The following TDRD3 variants were observed in gnomAD, a reference collection of about 807,000 sequenced individuals.
TDRD3 encodes tudor domain containing 3.
TDRD3 carries 45 observed loss-of-function variants against 86.7 expected under a neutral mutation model. The ratio of observed to expected loss-of-function variants is 0.52; its 90% confidence interval spans 0.41 to 0.67. TDRD3 has a LOEUF of 0.67. Ranked by LOEUF, TDRD3 falls within the 30% of genes least tolerant of loss-of-function variation. The pLI is 0.00. For synonymous variants in TDRD3, 298 were observed against 301.7 expected (o/e 0.99, Z 0.13); for missense variants, 814 against 889.0 (o/e 0.92, Z 1.07).
chr13:60,558,805 C>T, intron 12 of TDRD3, among the ~76,000 whole-genome samples: 1 of 151,858 alleles, frequency 6.6e-6, no homozygotes, highest in Admixed American at 6.6e-5. Context: ...CACCCCACCT[C>T]TCCCCAAAAC....
At chr13:60,502,187 C>G (rs1956848621) in intron 8 of TDRD3, among the ~76,000 whole-genome samples, 1 of 152,172 alleles carries the variant, frequency 6.6e-6, no homozygotes, top group Non-Finnish European at 1.5e-5. Context: ...CTTTCATTAC[C>G]TGACAGAATT....
In TDRD3 at chr13:60,567,611, G is replaced by C; in HGVS notation, c.2205G>C (p.Gln735His). 1 of 1,614,120 alleles carries C rather than the reference G, an allele frequency of 6.2e-7. No individual in the cohort carries two copies. Among genetic ancestry groups the C allele is most frequent in the South Asian group, 1.1e-5 (1 of 91,082 alleles). The change falls in exon 13 of 14, where the codon CAG (glutamine) becomes CAC (histidine). Residue 735 changes from glutamine (Q) to histidine (H), a missense_variant. Physicochemically the swap from Gln to His is conservative, Grantham distance 24 (BLOSUM62 0). Transcript: ENST00000377881. ...GACGATCCACTCGGCCAACCCAACA[G>C]TTTTACCAACCACCCCGGGCTCGGA... ...QPRRSTRPTQ[Q>H]FYQPPRARN
Position 60,528,633 on chromosome 13 carries a change from T to C in TDRD3, c.1408T>C (p.Cys470Arg). The C allele has an allele frequency of 6.2e-7, 1 of 1,613,958 alleles. No homozygotes were observed. The highest frequency in any genetic ancestry group is 8.5e-7 in the Non-Finnish European group (1 of 1,179,914). ...SEVWAEDRIK[C>R]DRPYSRYDRT... ...AGTATGGGCTGAAGACAGAATCAAA[T>C]GTGATAGACCGTATTCTAGATATGA... Residue 470 changes from cysteine to arginine, a missense_variant, in exon 11 of 14, where the codon TGT becomes CGT. Cys to Arg is a radical substitution (Grantham distance 180, BLOSUM62 -3). Coordinates refer to ENST00000377881, the MANE Select transcript of TDRD3 (RefSeq NM_001146070.2).
intron 8 of TDRD3, among the ~76,000 whole-genome samples, chr13:60,494,922 T>A (rs955923657): frequency 6.6e-6 from 1 of 152,228 alleles, no homozygotes; most frequent in African/African-American, 2.4e-5. Flanking sequence ...TGATTTTGTT[T>A]TGTTTTCTAC....
intron 12 of TDRD3, among the ~76,000 whole-genome samples, chr13:60,559,280 A>G (rs549177462): frequency 6.6e-6 from 1 of 152,292 alleles, no homozygotes; most frequent in East Asian, 1.9e-4. Context: ...ATGATGTGGT[A>G]GAATCTAAAC....
intron 12 of TDRD3, among the ~76,000 whole-genome samples, chr13:60,553,982 T>C (rs1182325938): frequency 6.6e-6 from 1 of 152,228 alleles, no homozygotes; most frequent in East Asian, 1.9e-4. Flanking sequence ...CCGTGCTCCT[T>C]TAAGATAACA....
chr13:60,486,508 C>T (rs953532062), intron 7 of TDRD3, among the ~76,000 whole-genome samples: 2 of 152,036 alleles, frequency 1.3e-5, no homozygotes, highest in African/African-American at 4.8e-5. Flanking sequence ...AATAATTACA[C>T]ATATATATGA....
chr13:60,426,776 A>T (rs1332032791), intron 1 of TDRD3, among the ~76,000 whole-genome samples: 2 of 152,234 alleles, frequency 1.3e-5, no homozygotes, highest in Non-Finnish European at 2.9e-5. Flanking sequence ...CACATACCAT[A>T]TACTGTCATT....
chr13:60,456,019 G>A (rs1460724141), intron 3 of TDRD3, among the ~76,000 whole-genome samples: 2 of 142,952 alleles, frequency 1.4e-5, no homozygotes, highest in Admixed American at 7.5e-5. Context: ...GCAGTGAGCC[G>A]AGATCAAGCC....
intron 1 of TDRD3, among the ~76,000 whole-genome samples, chr13:60,402,409 G>C (rs1954124673): frequency 6.6e-6 from 1 of 152,056 alleles, no homozygotes; most frequent in South Asian, 2.1e-4. Flanking sequence ...ATAATAAGAG[G>C]GTATTAGAAG....
intron 7 of TDRD3, among the ~76,000 whole-genome samples, chr13:60,488,505 A>G (rs929481344): frequency 6.6e-6 from 1 of 152,266 alleles, no homozygotes. Context: ...CCTGTTGACC[A>G]TTTGTATGGT....
chr13:60,483,654 C>T (rs2137501174), intron 5 of TDRD3, 121 bp from the exon 6 acceptor site: 2 of 827,676 alleles, frequency 2.4e-6, no homozygotes, highest in Non-Finnish European at 3.5e-6. Flanking sequence ...CATGGAAGGC[C>T]TTTTTTTTTC....
At chr13:60,573,536 A>C in intron 13 of TDRD3, 80 bp from the exon 14 acceptor site, 1 of 848,250 alleles carries the variant, frequency 1.2e-6, no homozygotes, top group Non-Finnish European at 1.4e-6. Context: ...GATAAGTTTC[A>C]GCAGAAATGT....
chr13:60,506,617 C>T (rs1321926476), intron 8 of TDRD3, among the ~76,000 whole-genome samples: 2 of 152,020 alleles, frequency 1.3e-5, no homozygotes, highest in Admixed American at 6.6e-5. Context: ...ACTAGCTGGG[C>T]GTTGTGGTGC....
Position 60,496,794 on chromosome 13 carries a change from G to C in TDRD3, c.858+2219G>C, listed in dbSNP as rs184217278. Among the ~76,000 whole-genome samples the C allele has an allele frequency of 5.9e-5, 9 of 152,256 alleles. No individual in the cohort carries two copies. In the East Asian group the frequency reaches 1.4e-3, roughly 23 times the overall value. Reference sequence around the variant, plus strand: ...GCCTCAAATCTGCTAAGATTGCCCTGAGTAAGAGTCTTATTGTTACTGGAG... The same window carrying C: ...GCCTCAAATCTGCTAAGATTGCCCTCAGTAAGAGTCTTATTGTTACTGGAG... On this transcript the variant is annotated intron_variant, in intron 8 of 13. Coordinates refer to ENST00000377881, the MANE Select transcript of TDRD3 (RefSeq NM_001146070.2).
intron 8 of TDRD3, 144 bp from the exon 9 acceptor site, chr13:60,509,619 A>T (rs573953540): frequency 1.9e-6 from 2 of 1,044,786 alleles, no homozygotes; most frequent in Non-Finnish European, 2.8e-6. Context: ...CTTGTAAAAA[A>T]TCAGCAAGAG....
chr13:60,481,786 A>T (rs1956324292), intron 5 of TDRD3, among the ~76,000 whole-genome samples: 1 of 152,058 alleles, frequency 6.6e-6, no homozygotes, highest in Non-Finnish European at 1.5e-5. Context: ...CATGCCTTGT[A>T]GTTTTTGCTT....
Position 60,529,020 on chromosome 13 carries a change from C to G in TDRD3, c.1795C>G (p.Arg599Gly). The change falls in exon 11 of 14, where the codon CGA becomes GGA. Residue 599 changes from arginine to glycine, a missense_variant. Transcript: ENST00000377881. Reference protein sequence around the residue: ...GEVEMPLKGRRIGPIKPAGPV... With the variant: ...GEVEMPLKGRGIGPIKPAGPV... ...AGTAGAAATGCCACTGAAAGGAAGA[C>G]GAATAGGACCTATTAAGCCAGCAGG... 1 of 1,613,964 alleles carries G rather than the reference C, an allele frequency of 6.2e-7. No individual in the cohort carries two copies.
At chr13:60,522,051 T>C (rs975668368) in intron 10 of TDRD3, among the ~76,000 whole-genome samples, 1 of 152,150 alleles carries the variant, frequency 6.6e-6, no homozygotes, top group Non-Finnish European at 1.5e-5. Context: ...TTTTTACTTT[T>C]TAAATATTTC....
Sources: gnomAD v4.1 joint callset for allele counts (sites outside exome capture counted in the v4.1 genomes callset) on GRCh38, gnomAD v4.1.1 for gene constraint, MANE v1.5 for transcripts, NCBI Gene and HGNC (gene_info 2026-07-23, HGNC 2026-07-21) for gene names.